Variants in SEL1L2 observed in about 807,000 individuals in gnomAD.
The protein encoded by SEL1L2 is SEL1L2 adaptor subunit of SYVN1 ubiquitin ligase, also known as protein sel-1 homolog 2.
Under a neutral mutation model 98.8 loss-of-function variants are expected in SEL1L2, and 89 were observed. The ratio of observed to expected loss-of-function variants is 0.90; its 90% CI spans 0.76 to 1.07. The LOEUF is 1.07. Among genes scored for constraint, SEL1L2 ranks in the 50% least tolerant of loss-of-function variants. The pLI, the probability that SEL1L2 is intolerant of heterozygous loss-of-function variation, is 0.00. For missense variants in SEL1L2, 788 were observed against 812.0 expected, an observed-to-expected ratio of 0.97 and a Z score of 0.36; for synonymous variants, 262 against 278.5, an observed-to-expected ratio of 0.94 and a Z score of 0.59.
At chr20:13,960,725 C>T (rs1024288687) in intron 1 of SEL1L2, among the ~76,000 whole-genome samples, 2 of 152,104 alleles carry the variant, frequency 1.3e-5, no homozygotes, top group Non-Finnish European at 2.9e-5. Context: ...TTTATCACTT[C>T]CCCTACAGGA....
intron 1 of SEL1L2, among the ~76,000 whole-genome samples, chr20:13,976,193 G>C (rs1033925215): frequency 1.3e-5 from 2 of 151,728 alleles, no homozygotes; most frequent in African/African-American, 4.8e-5. Flanking sequence ...GTAGAGACAG[G>C]GTTTCTCCAT....
intron 2 of SEL1L2, among the ~76,000 whole-genome samples, chr20:13,938,294 TC>T (rs1442872437): frequency 6.6e-6 from 1 of 152,044 alleles, no homozygotes; most frequent in Non-Finnish European, 1.5e-5. Flanking sequence ...TTGGTCAGGC[TC>T]ATCTCGAACC....
chr20:13,919,482 C>G (rs993999572), intron 3 of SEL1L2, among the ~76,000 whole-genome samples: 19 of 152,120 alleles, frequency 1.2e-4, no homozygotes, highest in Admixed American at 1.3e-4. Context: ...AGGATCTTAG[C>G]CCTGGCTGGC....
At chr20:13,898,860 ACCCT>A (rs1167142762) in intron 5 of SEL1L2, among the ~76,000 whole-genome samples, 2 of 151,950 alleles carry the variant, frequency 1.3e-5, no homozygotes, top group Non-Finnish European at 2.9e-5. Context: ...CTCCTGCCTC[ACCCT>A]CCCGAGTATC....
At chr20:13,895,447 T>TG (rs535582263) in intron 5 of SEL1L2, among the ~76,000 whole-genome samples, 3 of 93,068 alleles carry the variant, frequency 3.2e-5, no homozygotes, top group South Asian at 3.8e-4. Context: ...GATCTTGTCC[T>TG]AAAAAAAAAA....
chr20:13,963,760 C>CA (rs1212641476), intron 1 of SEL1L2, among the ~76,000 whole-genome samples: 4 of 151,794 alleles, frequency 2.6e-5, no homozygotes, highest in African/African-American at 7.3e-5. Flanking sequence ...AATTAAAAAG[C>CA]AAAAAAACCA....
chr20:13,863,473 T>G (rs892818143), intron 17 of SEL1L2, among the ~76,000 whole-genome samples: 2 of 152,172 alleles, frequency 1.3e-5, no homozygotes, highest in Non-Finnish European at 2.9e-5. Context: ...TGAGTCCTGA[T>G]GGTTCAGCAC....
chr20:13,878,307 C>T (rs1157943438), intron 10 of SEL1L2, among the ~76,000 whole-genome samples: 3 of 145,242 alleles, frequency 2.1e-5, no homozygotes, highest in Non-Finnish European at 4.5e-5. Flanking sequence ...TGAAACCGCT[C>T]TTTTTTTTTT....
chr20:13,864,553 T>C (rs1990689239), intron 17 of SEL1L2, among the ~76,000 whole-genome samples: 1 of 152,196 alleles, frequency 6.6e-6, no homozygotes, highest in Admixed American at 6.5e-5. Flanking sequence ...CCAATGCTTT[T>C]CCCACCACTG....
rs2048367488 is a variant in SEL1L2 at position 13,915,530 on chromosome 20, CA to C, written c.387-1587del. Among the ~76,000 whole-genome samples the C allele has an allele frequency of 2.0e-5, 3 of 152,288 alleles. No homozygotes were observed. The South Asian group carries it at 6.2e-4, about 32-fold the overall frequency. On this transcript the variant is annotated intron_variant, in intron 4 of 19. Transcript: ENST00000284951. ...CCTACTGGGACAGGAGGAGCACCAG[CA>C]TGGACCAAGGCACAGAAACCTGAGA...
chr20:13,908,838 G>C (rs1215563664), intron 5 of SEL1L2, among the ~76,000 whole-genome samples: 1 of 152,092 alleles, frequency 6.6e-6, no homozygotes, highest in Non-Finnish European at 1.5e-5. Context: ...AACCACTAAA[G>C]GTGCATGAAA....
chr20:13,966,100 C>A (rs528934662), intron 1 of SEL1L2, among the ~76,000 whole-genome samples: 18 of 152,250 alleles, frequency 1.2e-4, no homozygotes, highest in South Asian at 6.2e-4. Context: ...TGCCGATAGA[C>A]TTGCTCAACA....
At chr20:13,875,956 G>T in intron 12 of SEL1L2, 82 bp downstream of exon 12, 1 of 1,085,504 alleles carries the variant, frequency 9.2e-7, no homozygotes, top group Non-Finnish European at 1.4e-6. Context: ...TTGGGACTTC[G>T]AAGTCAATTC....
intron 2 of SEL1L2, among the ~76,000 whole-genome samples, chr20:13,944,300 T>C (rs78121197): frequency 0.013 from 1,968 of 152,256 alleles, 19 homozygotes; most frequent in Non-Finnish European, 0.022. Flanking sequence ...TTAAGTGTAA[T>C]GCAATACATA....
At chr20:13,952,547 G>A (rs1040492361) in intron 2 of SEL1L2, among the ~76,000 whole-genome samples, 2 of 152,178 alleles carry the variant, frequency 1.3e-5, no homozygotes, top group African/African-American at 4.8e-5. Context: ...AGTTCACTGG[G>A]ACTTGATGAT....
intron 5 of SEL1L2, among the ~76,000 whole-genome samples, chr20:13,909,752 G>C (rs2048133480): frequency 6.6e-6 from 1 of 152,086 alleles, no homozygotes. Context: ...GATCACCTGA[G>C]GTCAGGAGCT....
chr20:13,966,948 C>T (rs1258155492), intron 1 of SEL1L2, among the ~76,000 whole-genome samples: 1 of 129,742 alleles, frequency 7.7e-6, no homozygotes, highest in East Asian at 2.6e-4. Flanking sequence ...GTGGCACAAT[C>T]TCAGCTCGCT....
intron 1 of SEL1L2, among the ~76,000 whole-genome samples, chr20:13,976,405 C>T (rs546832957): frequency 7.9e-5 from 12 of 152,006 alleles, no homozygotes; most frequent in African/African-American, 9.7e-5. Context: ...AGATTTATGG[C>T]GGTGATGGGG....
chr20:13,856,059 G>A (rs1334212998), intron 18 of SEL1L2, among the ~76,000 whole-genome samples: 1 of 152,226 alleles, frequency 6.6e-6, no homozygotes, highest in Non-Finnish European at 1.5e-5. Flanking sequence ...ATGGCCAGGA[G>A]GGGATGGGCA....
Sources: gnomAD v4.1 joint callset for allele counts (sites outside exome capture counted in the v4.1 genomes callset) on GRCh38, gnomAD v4.1.1 for gene constraint, MANE v1.5 for transcripts, NCBI Gene and HGNC (gene_info 2026-07-23, HGNC 2026-07-21) for gene names.